Variants in PEX6 observed in about 807,000 individuals in gnomAD.
PEX6 encodes peroxisomal biogenesis factor 6, also known as peroxisome biogenesis factor 6.
PEX6 carries 55 observed loss-of-function variants against 85.6 expected under a neutral mutation model. The ratio of observed to expected loss-of-function variants is 0.64; its 90% CI spans 0.52 to 0.80. The LOEUF is 0.80. Among genes scored for constraint, PEX6 ranks in the 30% least tolerant of loss-of-function variants. PEX6 has a pLI of 0.00. For synonymous variants in PEX6, 519 were observed against 549.1 expected (o/e 0.95, Z 0.77); for missense variants, 1,099 against 1,260.3 (o/e 0.87, Z 1.94).
chr6:42,976,681 TGAAG>T (rs1770313516), intron 1 of PEX6, among the ~76,000 whole-genome samples: 1 of 151,524 alleles, frequency 6.6e-6, no homozygotes, highest in Non-Finnish European at 1.5e-5. Flanking sequence ...TTTTACACAA[TGAAG>T]GTTTATTTTT....
At chr6:42,977,251 CTTTTT>C (rs1554128216) in intron 1 of PEX6, among the ~76,000 whole-genome samples, 2 of 126,672 alleles carry the variant, frequency 1.6e-5, no homozygotes, top group African/African-American at 3.2e-5. Flanking sequence ...TGAAACCTCA[CTTTTT>C]TTTTTTTTTT....
chr6:42,972,694 C>T (rs1204933668), intron 3 of PEX6, among the ~76,000 whole-genome samples: 3 of 150,730 alleles, frequency 2.0e-5, no homozygotes, highest in South Asian at 2.1e-4. Flanking sequence ...GGCATGAACC[C>T]GGGAGGCGGA....
At chr6:42,968,850 G>A (rs758078864) in intron 6 of PEX6, 24 bp downstream of exon 6, 1 of 1,520,448 alleles carries the variant, frequency 6.6e-7, no homozygotes, top group East Asian at 2.2e-5. Flanking sequence ...AGTAGCTGGG[G>A]TTCTACTCTC....
chr6:42,974,523 T>A (rs1456580154), intron 2 of PEX6, among the ~76,000 whole-genome samples: 1 of 143,338 alleles, frequency 7.0e-6, no homozygotes, highest in Middle Eastern at 3.4e-3. Context: ...AGTGGTGCGA[T>A]CTCGGCTCAC....
rs1769604303 is a variant in PEX6 at position 42,963,941 on chromosome 6, C to T, written c.*394G>A. ...CCCATGCTGCCCACCCCCCCACCCT[C>T]TCCCAGGGCTTACTCCTCCCACAAC... On this transcript the variant is annotated 3_prime_UTR_variant, in exon 17 of 17. Transcript: ENST00000304611. 5.0e-6 allele frequency: 3 copies of T among 599,638 alleles called. No homozygotes were observed. The Admixed American group carries it at 7.5e-5, about 15-fold the overall frequency. 37.1% of individuals were successfully genotyped at this position (599,638 alleles called of 1,614,324 possible).
chr6:42,963,880 AT>A lies in PEX6; in HGVS notation c.*454del. 1.6e-6 allele frequency: 1 copy of A among 632,804 alleles called. No individual in the cohort carries two copies. The highest frequency in any genetic ancestry group is 2.7e-6 in the Non-Finnish European group (1 of 369,970). The allele number at this position is 632,804 out of a possible 1,614,324, so 39.2% of individuals were successfully genotyped here. A position where few individuals can be genotyped will look rare whatever the true frequency, so the allele number is the denominator to read the frequency against. ...CAATATAGTCTTTTTCAGTTCCTGC[AT>A]GCATTGTGTTTATTTATGTCAGAAG... On this transcript the variant is annotated 3_prime_UTR_variant, in exon 17 of 17. Transcript: ENST00000304611.
chr6:42,978,877 C>A lies in PEX6; in HGVS notation c.274G>T (p.Val92Leu). 1.3e-6 allele frequency: 2 copies of A among 1,491,070 alleles called. No individual in the cohort carries two copies. Among genetic ancestry groups the A allele is most frequent in the Non-Finnish European group, 1.8e-6 (2 of 1,129,506 alleles). The allele number at this position is 1,491,070 out of a possible 1,614,324, so 92.4% of individuals were successfully genotyped here. A position where few individuals can be genotyped will look rare whatever the true frequency, so the allele number is the denominator to read the frequency against. The change falls in exon 1 of 17, where the codon GTG (valine) becomes TTG (leucine). Residue 92 changes from valine (V) to leucine (L), a missense_variant. Transcript: ENST00000304611. ...GGCCGCCGCACCGCCCGCGCCCGCA[C>A]CCAGGCCCCGGAGCCCAGTGCCAGG... The part of the protein sequence containing the change: ...RLLALGSGAW[V>L]RARAVRRPPA...
chr6:42,975,230 C>T (rs556694563), intron 1 of PEX6, among the ~76,000 whole-genome samples, 192 bp from the exon 2 acceptor site: 2 of 152,270 alleles, frequency 1.3e-5, no homozygotes, highest in East Asian at 3.9e-4. Flanking sequence ...ATATCACCTC[C>T]TATCCCGACT....
intron 2 of PEX6, among the ~76,000 whole-genome samples, chr6:42,974,358 G>A (rs1770182079): frequency 6.6e-6 from 1 of 150,472 alleles, no homozygotes; most frequent in Non-Finnish European, 1.5e-5. Flanking sequence ...TGTTTGGAAT[G>A]TCCAAATTAA....
chr6:42,973,983 G>C lies in PEX6; in HGVS notation c.1130+20C>G. 6.3e-7 allele frequency: 1 copy of C among 1,575,308 alleles called. No homozygotes were observed. ...CCCAGGTTACAAATCCCAGCTGTAG[G>C]ACAGAAGGCAGCTGCATACCTGGGC... On this transcript the variant is annotated intron_variant, in intron 3 of 16. Transcript: ENST00000304611.
rs891477052 is a variant in PEX6, at chr6:42,966,212, C to T, written c.2300+30G>A. On this transcript the variant is annotated intron_variant, in intron 11 of 16. Transcript: ENST00000304611. ...CCAGCCTGCTGCAGCCCCTGATCCA[C>T]CCACCATCCCTTCCAGGCCCCCTGG... 5 of 1,610,914 alleles carry T rather than the reference C, an allele frequency of 3.1e-6. No individual in the cohort carries two copies. In the African/African-American group the frequency reaches 6.7e-5, roughly 22 times the overall value.
Position 42,969,725 on chromosome 6 carries a change from C to A in PEX6, c.1310G>T (p.Gly437Val), listed in dbSNP as rs771063294. The change falls in exon 5 of 17, where the codon GGC (glycine) becomes GTC (valine). Residue 437 changes from glycine (G) to valine (V), a missense_variant. Physicochemically the swap from Gly to Val is moderately radical, Grantham distance 109 (BLOSUM62 -3). This residue lies in a region of PEX6 where 579 missense variants were observed against 611.6 expected (regional missense o/e 0.95). Coordinates refer to ENST00000304611, the MANE Select transcript of PEX6 (RefSeq NM_000287.4). ...GAGTTCAGACACCAAGGCCTCCAGGCCTGGAGGAGACAAACTGCTCCAGAG... is the reference window on the plus strand; with the variant it reads ...GAGTTCAGACACCAAGGCCTCCAGGACTGGAGGAGACAAACTGCTCCAGAG... ...STLWSSLSPP[G>V]LEALVSELCA... 1.9e-6 allele frequency: 3 copies of A among 1,613,474 alleles called. No individual in the cohort carries two copies. Among genetic ancestry groups the A allele is most frequent in the Non-Finnish European group, 2.5e-6 (3 of 1,179,858 alleles).
Position 42,969,917 on chromosome 6 carries a change from A to C in PEX6, c.1201T>G (p.Leu401Val). 1 of 1,614,258 alleles carries C rather than the reference A, an allele frequency of 6.2e-7. No individual in the cohort carries two copies. The highest frequency in any genetic ancestry group is 8.5e-7 in the Non-Finnish European group (1 of 1,180,054). The change falls in exon 4 of 17, where the codon TTG becomes GTG. Residue 401 changes from leucine to valine, a missense_variant. Around this residue, in one of 3 missense-constraint regions of PEX6, gnomAD observed 579 missense variants for 611.6 expected, o/e 0.95. Coordinates refer to ENST00000304611, the MANE Select transcript of PEX6 (RefSeq NM_000287.4). ...AAGGAGGTATGGGTGGTGTCGGCCA[A>C]GTAGGCACTGGCTGGTCCATCTGGA... ...EAPDGPASAY[L>V]ADTTHTSLYM...
intron 7 of PEX6, among the ~76,000 whole-genome samples, chr6:42,967,789 A>G (rs574533338): frequency 1.3e-5 from 2 of 152,024 alleles, no homozygotes; most frequent in East Asian, 1.9e-4. Flanking sequence ...GAAATGCTAG[A>G]CCACAGACTC....
At chr6:42,969,056 C>A in intron 5 of PEX6, 71 bp from the exon 6 acceptor site, 2 of 1,028,322 alleles carry the variant, frequency 1.9e-6, no homozygotes, top group South Asian at 2.6e-5. Context: ...AACACAAGAT[C>A]CCTTAGATCT....
At position 42,978,843 on chromosome 6, in the gene PEX6, A is replaced by C; in HGVS notation, c.308T>G (p.Leu103Arg). Residue 103 changes from leucine to arginine, a missense_variant, in exon 1 of 17, where the codon CTA (leucine) becomes CGA (arginine). Physicochemically the swap from Leu to Arg is moderately radical, Grantham distance 102. This residue lies in a region of PEX6 where 579 missense variants were observed against 611.6 expected (regional missense o/e 0.95). Transcript: ENST00000304611. ...CGAGGTGCCAAGCAGTGCCCAACCT[A>C]GCGCCGGGGGCCGCCGCACCGCCCG... is the stretch of plus-strand genomic sequence containing the variant. Reference protein sequence around the residue: ...RARAVRRPPALGWALLGTSLG... With the variant: ...RARAVRRPPARGWALLGTSLG... 1 of 1,514,922 alleles carries C rather than the reference A, an allele frequency of 6.6e-7. No homozygotes were observed. The highest frequency in any genetic ancestry group is 8.8e-7 in the Non-Finnish European group (1 of 1,139,502). The allele number at this position is 1,514,922 out of a possible 1,614,324, so 93.8% of individuals were successfully genotyped here.
chr6:42,969,513 T>G (rs535150962), intron 5 of PEX6, among the ~76,000 whole-genome samples, 155 bp downstream of exon 5: 17 of 152,110 alleles, frequency 1.1e-4, no homozygotes, highest in Non-Finnish European at 2.2e-4. Flanking sequence ...CAGAAAGGAG[T>G]GGCCTGGTGG....
intron 2 of PEX6, among the ~76,000 whole-genome samples, 171 bp downstream of exon 2, chr6:42,974,704 G>A (rs914737932): frequency 6.6e-6 from 1 of 151,454 alleles, no homozygotes; most frequent in Non-Finnish European, 1.5e-5. Flanking sequence ...CTCATGATCC[G>A]CCCACCTCGG....
At chr6:42,978,180 GC>G in intron 1 of PEX6, 88 bp downstream of exon 1, 2 of 1,444,058 alleles carry the variant, frequency 1.4e-6, no homozygotes, top group Non-Finnish European at 1.9e-6. Flanking sequence ...ATGATATGGG[GC>G]ACGAGTCCTA....
Sources: allele counts gnomAD v4.1 joint callset (sites outside exome capture counted in the v4.1 genomes callset), GRCh38; gene constraint gnomAD v4.1.1; regional missense constraint gnomAD v4.1.1; transcripts MANE v1.5; gene names NCBI Gene and HGNC (gene_info 2026-07-23, HGNC 2026-07-21).